GLIS3: variants seen among roughly 807,000 people sequenced by gnomAD.
GLIS3 encodes zinc finger protein GLIS3.
A neutral mutation model predicts 78.6 loss-of-function variants in GLIS3; 53 were observed. The observed-to-expected ratio is 0.67, with a 90% CI of 0.54 to 0.85. The LOEUF (loss-of-function observed/expected upper bound fraction) is 0.85, where lower values mean the gene tolerates loss of function less well. GLIS3 is among the 40% of genes least tolerant of loss of function. GLIS3 has a pLI of 0.00. For synonymous variants in GLIS3, 684 were observed against 509.9 expected (o/e 1.34, Z -4.60); for missense variants, 1,703 against 1,231.1 (o/e 1.38, Z -5.74).
intron 4 of GLIS3, among the ~76,000 whole-genome samples, chr9:4,113,772 T>C (rs1231354279): frequency 2.6e-5 from 4 of 152,346 alleles, no homozygotes; most frequent in African/African-American, 9.6e-5. Context: ...GTATTTATTT[T>C]CTTGAAATCA....
chr9:4,407,630 G>A, the GLIS3 span, among the ~76,000 whole-genome samples: 7 of 152,194 alleles, frequency 4.6e-5, no homozygotes, highest in Non-Finnish European at 8.8e-5. Context: ...CTGGGAGACA[G>A]AGCAAGACTC....
chr9:4,479,373 G>A, the GLIS3 span, among the ~76,000 whole-genome samples: 1 of 152,150 alleles, frequency 6.6e-6, no homozygotes, highest in African/African-American at 2.4e-5. Flanking sequence ...TTCCCTGTGG[G>A]CCTTTGTGGA....
At chr9:3,874,995 A>T (rs989688211) in intron 8 of GLIS3, among the ~76,000 whole-genome samples, 7 of 152,198 alleles carry the variant, frequency 4.6e-5, no homozygotes, top group Non-Finnish European at 8.8e-5. Flanking sequence ...TTCTCTTGTA[A>T]AAGATGAGCA....
chr9:4,358,144 A>T, the GLIS3 span, among the ~76,000 whole-genome samples: 1 of 152,198 alleles, frequency 6.6e-6, no homozygotes, highest in South Asian at 2.1e-4. Flanking sequence ...CCATATGTAT[A>T]TATGTGTATG....
intron 4 of GLIS3, among the ~76,000 whole-genome samples, chr9:4,109,641 C>G (rs1428135464): frequency 2.0e-5 from 3 of 152,170 alleles, no homozygotes; most frequent in Non-Finnish European, 4.4e-5. Context: ...TGCTACCCTC[C>G]TAAGATATTT....
In GLIS3 at chr9:3,946,912, G is replaced by T. The variant is rs576973296; in HGVS notation, c.1711-9723C>A. Among the ~76,000 whole-genome samples, 10 of 150,968 alleles carry T rather than the reference G, an allele frequency of 6.6e-5. No homozygotes were observed. The South Asian group carries it at 1.0e-3, about 16-fold the overall frequency. ...TCATGCAAAGAAAAATGATCTTTTC[G>T]ACCTTGCCCTGAGTTGCCCTGAGTC... On this transcript the variant is annotated intron_variant, in intron 4 of 10. Coordinates refer to ENST00000381971, the MANE Select transcript of GLIS3 (RefSeq NM_001042413.2).
At chr9:3,870,139 T>C (rs1386054928) in intron 8 of GLIS3, among the ~76,000 whole-genome samples, 1 of 152,220 alleles carries the variant, frequency 6.6e-6, no homozygotes, top group Non-Finnish European at 1.5e-5. Context: ...TCTTTGACCC[T>C]TTAGCATCCA....
chr9:4,313,295 A>C (rs1217605209), intron 2 of GLIS3, among the ~76,000 whole-genome samples: 1 of 152,198 alleles, frequency 6.6e-6, no homozygotes. Context: ...CAGGGATCTT[A>C]GTTTGAGCAG....
rs1368364291 is a variant in GLIS3, at chr9:3,936,963, A to G, written c.1872+65T>C. The G allele has an allele frequency of 1.4e-5, 23 of 1,589,878 alleles. No individual in the cohort carries two copies. In the East Asian group the frequency reaches 2.5e-4, roughly 17 times the overall value. ...AAAGCAAACACTTCACCAGCCCACTATCAAGCAGGCACTTCCTCACACCAG... is the reference window on the plus strand; with the variant it reads ...AAAGCAAACACTTCACCAGCCCACTGTCAAGCAGGCACTTCCTCACACCAG... On this transcript the variant is annotated intron_variant, in intron 5 of 10. Transcript: ENST00000381971.
At chr9:4,485,653 G>A in the GLIS3 span, among the ~76,000 whole-genome samples, 1 of 151,352 alleles carries the variant, frequency 6.6e-6, no homozygotes, top group South Asian at 2.1e-4. Flanking sequence ...CTCTACCTGT[G>A]CGGCAGGCAA....
intron 4 of GLIS3, among the ~76,000 whole-genome samples, chr9:4,014,604 A>C (rs548897643): frequency 6.6e-6 from 1 of 152,208 alleles, no homozygotes. Context: ...AGAGGCAAGG[A>C]AAGATTTTTC....
the GLIS3 span, among the ~76,000 whole-genome samples, chr9:4,420,388 G>A: frequency 4.6e-3 from 696 of 152,236 alleles, 7 homozygotes; most frequent in African/African-American, 0.015. Flanking sequence ...CTAACCTAAC[G>A]AGAAGAAGGA....
At chr9:4,113,169 T>C (rs1368984447) in intron 4 of GLIS3, among the ~76,000 whole-genome samples, 1 of 152,178 alleles carries the variant, frequency 6.6e-6, no homozygotes, top group Non-Finnish European at 1.5e-5. Context: ...TAGATATATA[T>C]GTAATATATA....
In GLIS3 at chr9:3,930,178, G is replaced by T. The variant is rs80245979; in HGVS notation, c.1983+2182C>A. On this transcript the variant is annotated intron_variant, in intron 6 of 10. Coordinates refer to ENST00000381971, the MANE Select transcript of GLIS3 (RefSeq NM_001042413.2). ...TTAAAATCTTTGGATAAAAAGGCAG[G>T]CTAAAATCGGAAAGTAAACACTGCA... Among the ~76,000 whole-genome samples the T allele has an allele frequency of 8.1e-3, 1,238 of 152,278 alleles. 16 individuals carry two copies. The highest frequency in any genetic ancestry group is 0.028 in the African/African-American group (1,169 of 41,548).
At chr9:4,471,271 G>C in the GLIS3 span, among the ~76,000 whole-genome samples, 1 of 152,152 alleles carries the variant, frequency 6.6e-6, no homozygotes, top group Admixed American at 6.5e-5. Flanking sequence ...AGTTCATATG[G>C]AACCAAAAAA....
chr9:4,216,479 C>CA lies in GLIS3; in HGVS notation c.388+69558dup, dbSNP rs71324289. On this transcript the variant is annotated intron_variant, in intron 2 of 10. Coordinates refer to ENST00000381971, the MANE Select transcript of GLIS3 (RefSeq NM_001042413.2). ...TGGGTGACAGAGCGAGACTCTGTCT[C>CA]AAAAAAAAAAAAAGAAAAGAAAAGA... 3.5e-3 allele frequency among the ~76,000 whole-genome samples: 270 copies of CA among 76,576 alleles called. 1 individual carries two copies. Among genetic ancestry groups the CA allele is most frequent in the East Asian group, 0.017 (40 of 2,354 alleles). 50.2% of individuals were successfully genotyped at this position (76,576 alleles called of 152,430 possible).
chr9:3,992,486 C>G (rs2129797408), intron 4 of GLIS3, among the ~76,000 whole-genome samples: 1 of 152,284 alleles, frequency 6.6e-6, no homozygotes, highest in East Asian at 1.9e-4. Context: ...TGAATGCACA[C>G]AGGTACTAAA....
the GLIS3 span, among the ~76,000 whole-genome samples, chr9:4,362,238 T>G: frequency 1.3e-5 from 2 of 151,856 alleles, no homozygotes; most frequent in South Asian, 4.1e-4. Flanking sequence ...TGCTATGGAT[T>G]TTTTTCCTTA....
chr9:4,281,314 G>T lies in GLIS3; in HGVS notation c.388+4724C>A, dbSNP rs193125104. On this transcript the variant is annotated intron_variant, in intron 2 of 10. Transcript: ENST00000381971. ...ATAAAAGCGATCGTCTTAATCATTTGTAAGTATACAGTTCGGTGGCATTAA... is the reference window on the plus strand; with the variant it reads ...ATAAAAGCGATCGTCTTAATCATTTTTAAGTATACAGTTCGGTGGCATTAA... Among the ~76,000 whole-genome samples, 14 of 152,248 alleles carry T rather than the reference G, an allele frequency of 9.2e-5. No individual in the cohort carries two copies. In the East Asian group the frequency reaches 1.9e-3, roughly 21 times the overall value.
Sources: gnomAD v4.1 joint callset for allele counts (sites outside exome capture counted in the v4.1 genomes callset) on GRCh38, gnomAD v4.1.1 for gene constraint, MANE v1.5 for transcripts, NCBI Gene and HGNC (gene_info 2026-07-23, HGNC 2026-07-21) for gene names.